RBM6: variants seen among roughly 807,000 people sequenced by gnomAD.
RBM6 encodes the protein RNA-binding protein 6.
A neutral mutation model predicts 140.4 loss-of-function variants in RBM6; 23 were observed. That is an observed-to-expected ratio of 0.16 (90% CI 0.12 to 0.23). The LOEUF (loss-of-function observed/expected upper bound fraction) is 0.23. RBM6 is among the 10% of genes least tolerant of loss of function. The probability of loss-of-function intolerance (pLI) is 1.00; values close to 1 mark genes in which losing one functional copy is unlikely to be tolerated. For missense variants in RBM6, 1,139 were observed against 1,386.7 expected (o/e 0.82, Z 2.84); for synonymous variants, 439 against 475.6 (o/e 0.92, Z 1.00).
chr3:50,034,170 G>A (rs1048527120), intron 6 of RBM6, among the ~76,000 whole-genome samples: 2 of 145,906 alleles, frequency 1.4e-5, no homozygotes, highest in Non-Finnish European at 3.0e-5. Flanking sequence ...TTTTAGTAGA[G>A]ACAAGGTTTC....
intron 6 of RBM6, among the ~76,000 whole-genome samples, chr3:50,022,590 A>C (rs937040629): frequency 6.6e-6 from 1 of 152,156 alleles, no homozygotes; most frequent in African/African-American, 2.4e-5. Flanking sequence ...TTGGCCTCCC[A>C]AAGTGCTGGG....
At chr3:50,034,970 T>TTCTCC (rs903450029) in intron 6 of RBM6, among the ~76,000 whole-genome samples, 7 of 144,974 alleles carry the variant, frequency 4.8e-5, no homozygotes, top group African/African-American at 1.0e-4. Flanking sequence ...CTGTTTCTCT[T>TTCTCC]TCTCCTCTCC....
chr3:49,969,205 A>G (rs1419101430), intron 3 of RBM6, among the ~76,000 whole-genome samples: 4 of 150,660 alleles, frequency 2.7e-5, no homozygotes, highest in Non-Finnish European at 5.9e-5. Context: ...TTGTATTTTT[A>G]GTGCAGATGG....
At chr3:49,966,139 AAG>A (rs1464024968) in intron 2 of RBM6, among the ~76,000 whole-genome samples, 1 of 152,072 alleles carries the variant, frequency 6.6e-6, no homozygotes, top group Non-Finnish European at 1.5e-5. Flanking sequence ...AAAAAAGAAA[AAG>A]AGAAAGAAAA....
chr3:50,053,470 G>A (rs2089562393), intron 7 of RBM6, among the ~76,000 whole-genome samples: 1 of 151,978 alleles, frequency 6.6e-6, no homozygotes, highest in Admixed American at 6.6e-5. Flanking sequence ...GGTGGAGGTT[G>A]TGGTAAGCCG....
At chr3:50,062,958 A>T (rs1380726299) in intron 15 of RBM6, among the ~76,000 whole-genome samples, 1 of 141,884 alleles carries the variant, frequency 7.0e-6, no homozygotes, top group African/African-American at 2.7e-5. Flanking sequence ...CAGTGGCATG[A>T]TCATAGCTCA....
Position 50,048,279 on chromosome 3 carries a change from T to C in RBM6, c.1592T>C (p.Leu531Pro). The C allele has an allele frequency of 6.2e-7, 1 of 1,613,470 alleles. No homozygotes were observed. Residue 531 changes from leucine to proline, a missense_variant, in exon 7 of 21, where the codon CTG (leucine) becomes CCG (proline). This residue lies in a region of RBM6 where 58 missense variants were observed against 99.7 expected (regional missense o/e 0.58). Transcript: ENST00000266022. ...TLMIQDKEVTLEYVSSLDFWY... is the reference protein window; with the variant it reads ...TLMIQDKEVTPEYVSSLDFWY... Reference sequence around the variant, plus strand: ...ATGATCCAGGACAAAGAAGTTACCCTGGAGTATGTATCAAGCCTGGATTTT... The same window carrying C: ...ATGATCCAGGACAAAGAAGTTACCCCGGAGTATGTATCAAGCCTGGATTTT...
At chr3:50,075,120 C>T in intron 19 of RBM6, 81 bp from the exon 20 acceptor site, 2 of 1,513,140 alleles carry the variant, frequency 1.3e-6, no homozygotes, top group Non-Finnish European at 1.8e-6. Flanking sequence ...CGAGCCATTG[C>T]ACTCCAGCCT....
intron 6 of RBM6, among the ~76,000 whole-genome samples, chr3:50,014,218 G>A (rs2086999681): frequency 6.6e-6 from 1 of 152,222 alleles, no homozygotes; most frequent in South Asian, 2.1e-4. Flanking sequence ...GGAATGCTGT[G>A]TAGTGAGAGT....
chr3:50,072,534 G>A (rs565383987), intron 19 of RBM6, among the ~76,000 whole-genome samples: 2 of 152,284 alleles, frequency 1.3e-5, no homozygotes, highest in South Asian at 4.1e-4. Context: ...TGGGGCTCTG[G>A]CATTCCAGCT....
At chr3:49,957,924 C>G (rs956107067) in intron 1 of RBM6, among the ~76,000 whole-genome samples, 2 of 151,792 alleles carry the variant, frequency 1.3e-5, no homozygotes, top group African/African-American at 4.8e-5. Context: ...CTCTGCCTCC[C>G]GGGTTCAAAA....
intron 6 of RBM6, among the ~76,000 whole-genome samples, chr3:50,015,264 C>A (rs1384965549): frequency 1.3e-5 from 2 of 151,104 alleles, no homozygotes; most frequent in East Asian, 3.9e-4. Context: ...CCCACCACCA[C>A]GCCCGGCTAA....
chr3:49,979,749 A>G (rs2085220179), intron 5 of RBM6, among the ~76,000 whole-genome samples: 2 of 152,070 alleles, frequency 1.3e-5, no homozygotes, highest in African/African-American at 4.8e-5. Context: ...CCAGCTTACA[A>G]TTTTTTAAAA....
chr3:50,005,464 C>G (rs1358717549), intron 6 of RBM6, among the ~76,000 whole-genome samples: 1 of 148,178 alleles, frequency 6.7e-6, no homozygotes, highest in Non-Finnish European at 1.5e-5. Context: ...TGCCACTGCA[C>G]TGCAACCTGG....
chr3:50,043,125 T>C (rs1419175401), intron 6 of RBM6, among the ~76,000 whole-genome samples: 11 of 152,218 alleles, frequency 7.2e-5, no homozygotes, highest in Non-Finnish European at 1.3e-4. Flanking sequence ...GGTTTTAGTC[T>C]AATTTAAGCC....
chr3:50,040,697 C>A (rs1305277567), intron 6 of RBM6, among the ~76,000 whole-genome samples: 1 of 149,964 alleles, frequency 6.7e-6, no homozygotes, highest in African/African-American at 2.5e-5. Flanking sequence ...TACTTTGTCA[C>A]CCAGGCTGGA....
chr3:49,968,283 C>T lies in RBM6; in HGVS notation c.858C>T (p.Pro286=), dbSNP rs957193867. ...SCMEFKDREM[P]PVDPNILDYI... ...TGGAATTTAAAGATAGGGAGATGCC[C>T]CCTGTGGATCCAAATATTTTGGATT... Residue 286 remains proline, a synonymous_variant, in exon 3 of 21, where the codon CCC becomes CCT. Transcript: ENST00000266022. 6.2e-7 allele frequency: 1 copy of T among 1,613,844 alleles called. No homozygotes were observed. The highest frequency in any genetic ancestry group is 8.5e-7 in the Non-Finnish European group (1 of 1,180,006).
chr3:50,037,366 A>G (rs1319468807), intron 6 of RBM6, among the ~76,000 whole-genome samples: 1 of 152,176 alleles, frequency 6.6e-6, no homozygotes. Context: ...ATACAACACC[A>G]GTGCACTCTA....
chr3:49,986,874 C>T (rs1422841632), intron 5 of RBM6, among the ~76,000 whole-genome samples: 2 of 151,574 alleles, frequency 1.3e-5, no homozygotes, highest in East Asian at 3.9e-4. Flanking sequence ...CAGTGTCAAC[C>T]TCCCAGGTTC....
Sources: allele counts gnomAD v4.1 joint callset (sites outside exome capture counted in the v4.1 genomes callset), GRCh38; gene constraint gnomAD v4.1.1; regional missense constraint gnomAD v4.1.1; transcripts MANE v1.5; gene names NCBI Gene and HGNC (gene_info 2026-07-23, HGNC 2026-07-21).